BCAS3: variants seen among roughly 807,000 people sequenced by gnomAD.
BCAS3 encodes BCAS3 microtubule associated cell migration factor.
A neutral mutation model predicts 116.1 loss-of-function variants in BCAS3; 53 were observed. The observed-to-expected ratio is 0.46, with a 90% CI of 0.37 to 0.57. The LOEUF is 0.57. BCAS3 is among the 20% of genes least tolerant of loss of function. The pLI is 0.00. For synonymous variants in BCAS3, 391 were observed against 408.2 expected (o/e 0.96, Z 0.51); for missense variants, 917 against 1,165.4 (o/e 0.79, Z 3.10).
intron 22 of BCAS3, among the ~76,000 whole-genome samples, chr17:61,163,200 A>G (rs188561973): frequency 8.6e-4 from 131 of 152,272 alleles, no homozygotes; most frequent in Middle Eastern, 3.4e-3. Context: ...CGAGGTGGGC[A>G]GATCACGAGG....
chr17:61,294,002 A>T (rs1191083468), intron 22 of BCAS3, among the ~76,000 whole-genome samples: 1 of 152,152 alleles, frequency 6.6e-6, no homozygotes, highest in Non-Finnish European at 1.5e-5. Context: ...ACCTCAAGGG[A>T]TCCATCCTCC....
intron 22 of BCAS3, among the ~76,000 whole-genome samples, chr17:61,321,809 G>A (rs2055237075): frequency 6.6e-6 from 1 of 152,166 alleles, no homozygotes; most frequent in Non-Finnish European, 1.5e-5. Context: ...GAGAACCCTG[G>A]AGGGCTGGAT....
In BCAS3 at chr17:61,300,596, A is replaced by G. The variant is rs967119278; in HGVS notation, c.2426-67731A>G. 1.3e-5 allele frequency among the ~76,000 whole-genome samples: 2 copies of G among 152,246 alleles called. No homozygotes were observed. Among genetic ancestry groups the G allele is most frequent in the Admixed American group, 6.5e-5 (1 of 15,282 alleles). The stretch of plus-strand genomic sequence containing the variant: ...AAAAGAAAAATGTATGGCAGTAAGT[A>G]ATGCCATGCGAGGGCAAGCTGGGAA... On this transcript the variant is annotated intron_variant, in intron 22 of 23. Coordinates refer to ENST00000407086, the MANE Select transcript of BCAS3 (RefSeq NM_017679.5). The surrounding 1 kb of genome is among the most constrained non-coding windows in gnomAD (Gnocchi z 5.1).
Position 61,034,421 on chromosome 17 carries a change from C to T in BCAS3, c.1638-245C>T, listed in dbSNP as rs546245702. Among the ~76,000 whole-genome samples, 2 of 152,240 alleles carry T rather than the reference C, an allele frequency of 1.3e-5. No homozygotes were observed. Among genetic ancestry groups the T allele is most frequent in the Non-Finnish European group, 2.9e-5 (2 of 68,012 alleles). ...ACTTGGATTTTGCCAGCACATACTT[C>T]AAAAAGGAGTTGATTTTTATTGGTC... is the stretch of plus-strand genomic sequence containing the variant. On this transcript the variant is annotated intron_variant, in intron 16 of 23. Transcript: ENST00000407086. This position sits in a 1 kb window ranked among gnomAD's most constrained non-coding sequence, Gnocchi z 5.0.
At position 61,144,029 on chromosome 17, in the gene BCAS3, A is replaced by T. The variant is rs1247832801; in HGVS notation, c.2425+59465A>T. Among the ~76,000 whole-genome samples, 2 of 152,216 alleles carry T rather than the reference A, an allele frequency of 1.3e-5. No homozygotes were observed. The highest frequency in any genetic ancestry group is 2.9e-5 in the Non-Finnish European group (2 of 68,032). ...CCATAACCTATGCAAATTACATTTT[A>T]GGCAAGTAATGCTCAAATTTTCTAT... On this transcript the variant is annotated intron_variant, in intron 22 of 23. Transcript: ENST00000407086. This position sits in a 1 kb window ranked among gnomAD's most constrained non-coding sequence, Gnocchi z 5.0.
rs531182417 is a variant in BCAS3 at position 60,979,441 on chromosome 17, G to A, written c.1222-10530G>A. On this transcript the variant is annotated intron_variant, in intron 14 of 23. Coordinates refer to ENST00000407086, the MANE Select transcript of BCAS3 (RefSeq NM_017679.5). ...GGTTTTCTAGATATACAATCATGTCGTCTGCAAACAGGGACAATTTGACTT... is the reference window on the plus strand; with the variant it reads ...GGTTTTCTAGATATACAATCATGTCATCTGCAAACAGGGACAATTTGACTT... 6.5e-4 allele frequency among the ~76,000 whole-genome samples: 97 copies of A among 149,534 alleles called. 3 individuals are homozygous for A. Among genetic ancestry groups the A allele is most frequent in the African/African-American group, 2.2e-3 (84 of 39,058 alleles).
Position 61,015,899 on chromosome 17 carries a change from CG to C in BCAS3, c.1637+1del. 1 of 1,613,712 alleles carries C rather than the reference CG, an allele frequency of 6.2e-7. No individual in the cohort carries two copies. Among genetic ancestry groups the C allele is most frequent in the Non-Finnish European group, 8.5e-7 (1 of 1,179,732 alleles). ...MTLGTITKRT[G>X]KVKPPPQISP... ...CATTGGGGACCATCACCAAACGAAC[CG>C]GGTAAGGCCTTAGACTTGATGCTTT... On this transcript the variant is annotated frameshift_variant and splice_region_variant, in exon 16 of 24. Coordinates refer to ENST00000407086, the MANE Select transcript of BCAS3 (RefSeq NM_017679.5). LOFTEE classifies it high-confidence loss of function.
chr17:61,140,141 G>A lies in BCAS3; in HGVS notation c.2425+55577G>A, dbSNP rs949135756. Reference sequence around the variant, plus strand: ...AAACCCAGCTACTCAGGAGGCTGAGGCAGGAGAATCACTGGAACCCAGAAG... The same window carrying A: ...AAACCCAGCTACTCAGGAGGCTGAGACAGGAGAATCACTGGAACCCAGAAG... On this transcript the variant is annotated intron_variant, in intron 22 of 23. Coordinates refer to ENST00000407086, the MANE Select transcript of BCAS3 (RefSeq NM_017679.5). This position sits in a 1 kb window ranked among gnomAD's most constrained non-coding sequence, Gnocchi z 4.2. Among the ~76,000 whole-genome samples, 3 of 152,130 alleles carry A rather than the reference G, an allele frequency of 2.0e-5. No individual in the cohort carries two copies. The highest frequency in any genetic ancestry group is 7.2e-5 in the African/African-American group (3 of 41,406).
chr17:61,059,817 G>C (rs1351564642), intron 19 of BCAS3, among the ~76,000 whole-genome samples: 1 of 152,132 alleles, frequency 6.6e-6, no homozygotes, highest in Non-Finnish European at 1.5e-5. Flanking sequence ...CTTGAGTCCA[G>C]GAGTTCTAGA....
At chr17:61,038,077 CT>C (rs2067184890) in intron 18 of BCAS3, 23 bp downstream of exon 18, 1 of 1,597,408 alleles carries the variant, frequency 6.3e-7, no homozygotes, top group Non-Finnish European at 8.5e-7. Flanking sequence ...TTCTTTTTTT[CT>C]TTTTAACAGC....
intron 22 of BCAS3, among the ~76,000 whole-genome samples, chr17:61,119,932 A>G (rs1275077145): frequency 6.6e-6 from 1 of 152,112 alleles, no homozygotes; most frequent in Admixed American, 6.5e-5. Flanking sequence ...AACCCTAAGA[A>G]GAAAGATATA....
intron 6 of BCAS3, among the ~76,000 whole-genome samples, chr17:60,759,262 A>T (rs1351645379): frequency 1.3e-5 from 2 of 152,304 alleles, no homozygotes; most frequent in South Asian, 4.1e-4. Context: ...AGAATGTTCT[A>T]TGTGTTGATA....
At chr17:60,863,424 G>A (rs917371106) in intron 7 of BCAS3, among the ~76,000 whole-genome samples, 9 of 151,758 alleles carry the variant, frequency 5.9e-5, no homozygotes, top group African/African-American at 1.5e-4. Context: ...AGCAAGTCCC[G>A]TTAATTTTTT....
chr17:60,828,040 C>T (rs1306209583), intron 7 of BCAS3, among the ~76,000 whole-genome samples: 5 of 151,792 alleles, frequency 3.3e-5, no homozygotes, highest in Non-Finnish European at 7.4e-5. Context: ...TTTTCAGCCA[C>T]CAAGAAGGAT....
At chr17:60,859,745 T>C (rs2054001780) in intron 7 of BCAS3, among the ~76,000 whole-genome samples, 1 of 151,992 alleles carries the variant, frequency 6.6e-6, no homozygotes, top group African/African-American at 2.4e-5. Flanking sequence ...ATTTTTGTAT[T>C]TTTAGTAGAG....
At chr17:60,827,690 T>C (rs1308451388) in intron 7 of BCAS3, among the ~76,000 whole-genome samples, 1 of 152,150 alleles carries the variant, frequency 6.6e-6, no homozygotes, top group Non-Finnish European at 1.5e-5. Context: ...AATGAGCATA[T>C]CCATCACCCA....
chr17:61,152,460 C>G (rs2077593688), intron 22 of BCAS3, among the ~76,000 whole-genome samples: 1 of 152,074 alleles, frequency 6.6e-6, no homozygotes, highest in South Asian at 2.1e-4. Flanking sequence ...AAAAGTTCTC[C>G]AAGTCCCCAC....
chr17:60,712,281 CA>C (rs566818022), intron 5 of BCAS3, among the ~76,000 whole-genome samples: 167 of 151,678 alleles, frequency 1.1e-3, no homozygotes, highest in South Asian at 3.3e-3. Flanking sequence ...GAGGATGAGG[CA>C]GGGGGATTGC....
rs2051296608 is a variant in BCAS3, at chr17:61,282,131, C to G, written c.2426-86196C>G. Among the ~76,000 whole-genome samples, 1 of 152,086 alleles carries G rather than the reference C, an allele frequency of 6.6e-6. No individual in the cohort carries two copies. ...AGTGAATTTAATATATGAGAAAGTC[C>G]TTTTTAAAGTATAAAGAAATTATTT... is the stretch of plus-strand genomic sequence containing the variant. On this transcript the variant is annotated intron_variant, in intron 22 of 23. Coordinates refer to ENST00000407086, the MANE Select transcript of BCAS3 (RefSeq NM_017679.5). This position sits in a 1 kb window ranked among gnomAD's most constrained non-coding sequence, Gnocchi z 5.9.
Sources: allele counts gnomAD v4.1 joint callset (sites outside exome capture counted in the v4.1 genomes callset), GRCh38; gene constraint gnomAD v4.1.1; non-coding constraint Gnocchi (gnomAD v3.1); transcripts MANE v1.5; gene names NCBI Gene and HGNC (gene_info 2026-07-23, HGNC 2026-07-21).